Variants in C2orf42 observed in about 807,000 individuals in gnomAD.
C2orf42 encodes uncharacterized protein C2orf42.
Under a neutral mutation model 58.9 loss-of-function variants are expected in C2orf42, and 44 were observed. The ratio of observed to expected loss-of-function variants is 0.75; its 90% CI spans 0.59 to 0.96. The LOEUF is 0.96. Ranked by LOEUF, C2orf42 falls within the 40% of genes least tolerant of loss-of-function variation. C2orf42 has a pLI of 0.00. For synonymous variants in C2orf42, 239 were observed against 265.4 expected (o/e 0.90, Z 0.97); for missense variants, 630 against 699.2 (o/e 0.90, Z 1.12).
At chr2:70,150,966 A>T (rs1672273178) in intron 9 of C2orf42, among the ~76,000 whole-genome samples, 3 of 152,144 alleles carry the variant, frequency 2.0e-5, no homozygotes, top group Non-Finnish European at 2.9e-5. Context: ...AGGATGGCTC[A>T]ATCTCTTGAC....
chr2:70,150,712 G>A, intron 9 of C2orf42, 148 bp from the exon 10 acceptor site: 4 of 624,136 alleles, frequency 6.4e-6, no homozygotes, highest in Non-Finnish European at 1.1e-5. Context: ...TGGTGATTGG[G>A]ATATCAGATT....
intron 1 of C2orf42, chr2:70,190,556 TAGTCGGCTGGATGGCTTGCCAAACCAC>T: frequency 6.6e-6 from 1 of 152,334 alleles, no homozygotes; most frequent in African/African-American, 2.4e-5. Context: ...CGTGGGTTTG[TAGTCGGCTGGATGGCTTGCCAAACCAC>T]AAGTGGGAGG....
chr2:70,173,571 G>C (rs565394784), intron 5 of C2orf42, among the ~76,000 whole-genome samples: 1 of 151,316 alleles, frequency 6.6e-6, no homozygotes, highest in African/African-American at 2.4e-5. Flanking sequence ...GTGAGCCACC[G>C]TGCTTGGTCA....
chr2:70,153,084 AG>A (rs1283308710), intron 9 of C2orf42, among the ~76,000 whole-genome samples: 1 of 152,026 alleles, frequency 6.6e-6, no homozygotes, highest in East Asian at 1.9e-4. Context: ...TGGAAGGTAC[AG>A]TCTGCACTAG....
chr2:70,168,253 A>C, intron 6 of C2orf42, among the ~76,000 whole-genome samples: 1 of 148,814 alleles, frequency 6.7e-6, no homozygotes, highest in African/African-American at 2.5e-5. Flanking sequence ...AGTAGTTGGG[A>C]CTACAGGCCT....
intron 8 of C2orf42, 121 bp downstream of exon 8, chr2:70,164,971 A>T (rs1448027859): frequency 2.0e-6 from 1 of 498,966 alleles, no homozygotes; most frequent in Non-Finnish European, 3.6e-6. Context: ...AATATCTCTT[A>T]GCATGAAAAA....
At chr2:70,159,886 A>G (rs908700839) in intron 9 of C2orf42, among the ~76,000 whole-genome samples, 12 of 152,146 alleles carry the variant, frequency 7.9e-5, no homozygotes, top group Non-Finnish European at 1.5e-4. Context: ...CCAATTTAAT[A>G]TTAAGTATAT....
intron 5 of C2orf42, among the ~76,000 whole-genome samples, chr2:70,173,044 T>C (rs1249503710): frequency 1.3e-5 from 2 of 151,992 alleles, no homozygotes; most frequent in African/African-American, 4.8e-5. Flanking sequence ...ATGCTTGTGA[T>C]CCCAGCTACT....
chr2:70,189,718 A>AG (rs1675207949), intron 1 of C2orf42, among the ~76,000 whole-genome samples: 1 of 147,736 alleles, frequency 6.8e-6, no homozygotes, highest in African/African-American at 2.5e-5. Context: ...TCCGTCTCAA[A>AG]AAAAAAAAAA....
In C2orf42 at chr2:70,181,548, G is replaced by A. The variant is rs1407843206; in HGVS notation, c.438C>T (p.Ala146=). 4 of 1,613,638 alleles carry A rather than the reference G, an allele frequency of 2.5e-6. No individual in the cohort carries two copies. ...CCGAGCTCTTCAGGGTCAGAGGGGTGGCCTCTGCCTGGCAGTTCACCGCCA... is the reference window on the plus strand; with the variant it reads ...CCGAGCTCTTCAGGGTCAGAGGGGTAGCCTCTGCCTGGCAGTTCACCGCCA... ...IKLAVNCQAE[A]TPLTLKSSVL... Residue 146 remains alanine, a synonymous_variant, in exon 3 of 10, where the codon GCC becomes GCT. Coordinates refer to ENST00000264434, the MANE Select transcript of C2orf42 (RefSeq NM_017880.3).
Position 70,169,795 on chromosome 2 carries a change from T to C in C2orf42, c.1040-134A>G, listed in dbSNP as rs1673672064. ...TTTTTTTGAGACAGAGGTTCGCCCT[T>C]GTTGCCCAGGCTGGAGTGCAGTGCA... On this transcript the variant is annotated intron_variant, in intron 5 of 9. Coordinates refer to ENST00000264434, the MANE Select transcript of C2orf42 (RefSeq NM_017880.3). 9.0e-6 allele frequency: 5 copies of C among 558,114 alleles called. No individual in the cohort carries two copies. The East Asian group carries it at 9.1e-5, about 10-fold the overall frequency. The allele number at this position is 558,114 out of a possible 1,614,324, so 34.6% of individuals were successfully genotyped here.
At position 70,181,450 on chromosome 2, in the gene C2orf42, G is replaced by A. The variant is rs1338322118; in HGVS notation, c.536C>T (p.Pro179Leu). The A allele has an allele frequency of 1.2e-6, 2 of 1,613,944 alleles. No homozygotes were observed. The highest frequency in any genetic ancestry group is 1.7e-6 in the Non-Finnish European group (2 of 1,180,020). The change falls in exon 3 of 10, where the codon CCT becomes CTT. Residue 179 changes from proline to leucine, a missense_variant. By Grantham distance (98) the Pro-to-Leu change is moderately conservative. Transcript: ENST00000264434. ...GTTTTTAGTAATTCTCTGCACCAGA[G>A]GACCTGTGGGTTCCGTGGCCAACTG... ...IWQLATEPTGPLVQRITKNIL... is the reference protein window; with the variant it reads ...IWQLATEPTGLLVQRITKNIL...
At chr2:70,173,721 A>G (rs1673990942) in intron 5 of C2orf42, among the ~76,000 whole-genome samples, 1 of 152,022 alleles carries the variant, frequency 6.6e-6, no homozygotes, top group Non-Finnish European at 1.5e-5. Context: ...GGGTCAAGCA[A>G]TCTTCTCACC....
chr2:70,170,116 G>A (rs1192608317), intron 5 of C2orf42, among the ~76,000 whole-genome samples: 1 of 150,856 alleles, frequency 6.6e-6, no homozygotes, highest in African/African-American at 2.4e-5. Flanking sequence ...CGAACTCCTA[G>A]GCTCAAGCAA....
In C2orf42 at chr2:70,160,612, G is replaced by C. The variant is rs762525659; in HGVS notation, c.1516+13C>G. 33 of 1,596,708 alleles carry C rather than the reference G, an allele frequency of 2.1e-5. No individual in the cohort carries two copies. The highest frequency in any genetic ancestry group is 1.7e-4 in the Middle Eastern group (1 of 6,006). On this transcript the variant is annotated intron_variant, in intron 9 of 9. Transcript: ENST00000264434. ...GACACTCAAAGGAAGATGCAGTTTT[G>C]AAGTTCACTTACCAACTTTGAGAAA...
At chr2:70,161,012 C>G (rs1673022159) in intron 8 of C2orf42, among the ~76,000 whole-genome samples, 1 of 152,100 alleles carries the variant, frequency 6.6e-6, no homozygotes, top group Non-Finnish European at 1.5e-5. Context: ...AATTTCCACC[C>G]CAGCCAAACT....
chr2:70,180,481 G>A (rs1674481265), intron 3 of C2orf42, among the ~76,000 whole-genome samples: 2 of 151,352 alleles, frequency 1.3e-5, no homozygotes, highest in African/African-American at 2.4e-5. Context: ...GGTGGCAGGC[G>A]CCTGTAATCC....
intron 9 of C2orf42, among the ~76,000 whole-genome samples, chr2:70,157,292 A>C (rs1479394349): frequency 6.6e-6 from 1 of 151,690 alleles, no homozygotes; most frequent in Non-Finnish European, 1.5e-5. Context: ...GTCTCTACTA[A>C]AAATACAAAA....
chr2:70,175,012 C>T (rs973810273), intron 5 of C2orf42, among the ~76,000 whole-genome samples: 4 of 151,968 alleles, frequency 2.6e-5, no homozygotes, highest in African/African-American at 7.3e-5. Context: ...AATCTGTTCT[C>T]TATCTTTATG....
Sources: allele counts gnomAD v4.1 joint callset (sites outside exome capture counted in the v4.1 genomes callset), GRCh38; gene constraint gnomAD v4.1.1; transcripts MANE v1.5; gene names NCBI Gene and HGNC (gene_info 2026-07-23, HGNC 2026-07-21).